The following CLEC12A variants were observed in gnomAD, a reference collection of about 807,000 sequenced individuals.
The protein encoded by CLEC12A is C-type lectin protein CLL-1.
A neutral mutation model predicts 26.5 loss-of-function variants in CLEC12A; 22 were observed. That is an observed-to-expected ratio of 0.83 (90% confidence interval 0.59 to 1.19). CLEC12A has a LOEUF of 1.19. Among genes scored for constraint, CLEC12A ranks in the 50% most tolerant of loss-of-function variants. CLEC12A has a pLI of 0.00. For missense variants in CLEC12A, 353 were observed against 315.6 expected, an observed-to-expected ratio of 1.12 and a Z score of -0.90; for synonymous variants, 119 against 101.9, an observed-to-expected ratio of 1.17 and a Z score of -1.01.
chr12:9,997,066 A>C (rs971374678), downstream of CLEC12A: 41 of 1,609,454 alleles, frequency 2.5e-5, no homozygotes, highest in South Asian at 3.6e-4. Context: ...CTTCACATTC[A>C]ATGTTTTCTG....
chr12:9,999,153 A>C (rs1565572731), downstream of CLEC12A: 1 of 1,166,826 alleles, frequency 8.6e-7, no homozygotes, highest in Non-Finnish European at 1.2e-6. Context: ...TGCAAAATGT[A>C]GTTTCCAACT....
chr12:9,984,591 A>G (rs1275325058), intron 5 of CLEC12A, among the ~76,000 whole-genome samples: 1 of 152,280 alleles, frequency 6.6e-6, no homozygotes, highest in East Asian at 1.9e-4. Flanking sequence ...ATTATATATG[A>G]AGGGGCTGGG....
exon 5 of CLEC12A, chr12:9,995,641 A>G: frequency 8.2e-6 from 2 of 244,082 alleles, no homozygotes; most frequent in Non-Finnish European, 1.6e-5. Flanking sequence ...TTAAAGCCCT[A>G]CCTGCTTTGG....
upstream of CLEC12A, chr12:9,971,278 C>A: frequency 2.7e-6 from 1 of 371,388 alleles, no homozygotes; most frequent in Non-Finnish European, 3.8e-6. Flanking sequence ...GTTATCCAAA[C>A]ACAATTTCAA....
exon 5 of CLEC12A, chr12:9,995,186 T>A (rs1402601194): frequency 6.2e-7 from 1 of 1,613,178 alleles, no homozygotes; most frequent in Admixed American, 1.7e-5. Context: ...CAGACCTCAT[T>A]CGACTTCTGG....
At chr12:9,964,793 C>T (rs145176073) in intron 1 of CLEC12A, among the ~76,000 whole-genome samples, 22 of 152,094 alleles carry the variant, frequency 1.4e-4, no homozygotes, top group African/African-American at 4.6e-4. Flanking sequence ...TGGTGTGTGG[C>T]GATTAGGCCT....
rs1412213905 is a variant in CLEC12A at position 9,955,617 on chromosome 12, A to G, written c.10+4261A>G. Reference sequence around the variant, plus strand: ...TGAGATGTGTGGGTCATTTCCAATTATGAAAGGGTTTCAATACAGAAAGTT... The same window carrying G: ...TGAGATGTGTGGGTCATTTCCAATTGTGAAAGGGTTTCAATACAGAAAGTT... On this transcript the variant is annotated intron_variant, in intron 1 of 6. Coordinates refer to the CLEC12A transcript ENST00000355690. 3.3e-5 allele frequency among the ~76,000 whole-genome samples: 5 copies of G among 152,216 alleles called. No individual in the cohort carries two copies. The East Asian group carries it at 5.8e-4, about 18-fold the overall frequency.
At chr12:9,972,797 TAGAA>T (rs1031553223) in intron 1 of CLEC12A, among the ~76,000 whole-genome samples, 1 of 152,194 alleles carries the variant, frequency 6.6e-6, no homozygotes, top group Non-Finnish European at 1.5e-5. Context: ...AATTTTTTTT[TAGAA>T]AGAAGAAGGG....
At chr12:9,969,698 G>T (rs750064818), upstream of CLEC12A, among the ~76,000 whole-genome samples, 1 of 152,062 alleles carries the variant, frequency 6.6e-6, no homozygotes, top group African/African-American at 2.4e-5. Flanking sequence ...TGTGGTGGCC[G>T]GTTTCCATCC....
chr12:9,995,997 G>C (rs1284985328), downstream of CLEC12A, among the ~76,000 whole-genome samples: 1 of 152,072 alleles, frequency 6.6e-6, no homozygotes, highest in Non-Finnish European at 1.5e-5. Context: ...CAATCTATGG[G>C]TAACAAAATT....
At chr12:9,965,965 G>C (rs910932302) in intron 1 of CLEC12A, among the ~76,000 whole-genome samples, 3 of 152,100 alleles carry the variant, frequency 2.0e-5, no homozygotes, top group Non-Finnish European at 4.4e-5. Context: ...TTTGACCTGG[G>C]GGAAAAGGTG....
chr12:9,996,909 C>G (rs1865063771), downstream of CLEC12A: 1 of 1,614,008 alleles, frequency 6.2e-7, no homozygotes, highest in African/African-American at 1.3e-5. Context: ...ACTGCTTACT[C>G]TCTTCCCATG....
downstream of CLEC12A, among the ~76,000 whole-genome samples, chr12:9,997,470 G>T (rs584856): frequency 1.9e-4 from 29 of 151,762 alleles, no homozygotes; most frequent in Admixed American, 1.9e-3. Flanking sequence ...CAGAACTGAC[G>T]CCTGAGGGTT....
chr12:9,990,119 C>G (rs775756342), downstream of CLEC12A, among the ~76,000 whole-genome samples: 1 of 152,136 alleles, frequency 6.6e-6, no homozygotes, highest in Middle Eastern at 3.4e-3. Context: ...AGACATGTAC[C>G]GGGAGGTTAA....
downstream of CLEC12A, chr12:9,997,026 TG>T: frequency 6.2e-7 from 1 of 1,612,592 alleles, no homozygotes; most frequent in Non-Finnish European, 8.5e-7. Context: ...ACAGGAATGG[TG>T]TATTTTTTCT....
intron 1 of CLEC12A, among the ~76,000 whole-genome samples, chr12:9,963,152 G>A (rs2137109945): frequency 6.6e-6 from 1 of 152,246 alleles, no homozygotes; most frequent in Non-Finnish European, 1.5e-5. Context: ...AGAAAAACAG[G>A]TATTAAAGGA....
downstream of CLEC12A, chr12:9,999,238 T>G (rs1027942207): frequency 1.1e-5 from 6 of 541,450 alleles, no homozygotes; most frequent in Non-Finnish European, 2.0e-5. Context: ...TGGGACACAT[T>G]TGTTTTCCTT....
chr12:9,955,299 G>A (rs1293531607), intron 1 of CLEC12A, among the ~76,000 whole-genome samples: 2 of 152,128 alleles, frequency 1.3e-5, no homozygotes, highest in African/African-American at 4.8e-5. Flanking sequence ...ATGTTAGCCA[G>A]GATGGTCTTG....
intron 5 of CLEC12A, chr12:9,984,004 C>A: frequency 3.8e-6 from 1 of 265,060 alleles, no homozygotes; most frequent in Non-Finnish European, 7.6e-6. Flanking sequence ...GTAATTATTG[C>A]AAATGGAATG....
Sources: gnomAD v4.1 joint callset for allele counts (sites outside exome capture counted in the v4.1 genomes callset) on GRCh38, gnomAD v4.1.1 for gene constraint, MANE v1.5 for transcripts, NCBI Gene and HGNC (gene_info 2026-07-23, HGNC 2026-07-21) for gene names.